Variants in TRAIP observed in about 807,000 individuals in gnomAD.
TRAIP encodes the protein TRAF interacting protein.
A neutral mutation model predicts 65.0 loss-of-function variants in TRAIP; 37 were observed. The observed-to-expected ratio is 0.57, with a 90% CI of 0.44 to 0.75. The LOEUF (loss-of-function observed/expected upper bound fraction) is 0.75, where lower values mean the gene tolerates loss of function less well. TRAIP is among the 30% of genes least tolerant of loss of function. The pLI is 0.00. For missense variants in TRAIP, 481 were observed against 579.4 expected (o/e 0.83, Z 1.74); for synonymous variants, 187 against 219.1 (o/e 0.85, Z 1.29).
rs1996663 is a variant in TRAIP, at chr3:49,840,831, C to G, written c.705+154G>C. ...ACAAGCCACATATTCAGGCCAATGC[C>G]CAGTAAGGACTGGTAACAAATTTCT... On this transcript the variant is annotated intron_variant, in intron 8 of 14. Coordinates refer to ENST00000331456, the MANE Select transcript of TRAIP (RefSeq NM_005879.3). 0.18 allele frequency among the ~76,000 whole-genome samples: 27,191 copies of G among 152,176 alleles called. 2,772 individuals are homozygous for G. Among genetic ancestry groups the G allele is most frequent in the African/African-American group, 0.26 (10,733 of 41,478 alleles).
At chr3:49,847,254 C>T (rs1409069112) in intron 3 of TRAIP, among the ~76,000 whole-genome samples, 1 of 151,240 alleles carries the variant, frequency 6.6e-6, no homozygotes, top group Non-Finnish European at 1.5e-5. Context: ...TGGTGGTGCA[C>T]CCCTACAGTC....
chr3:49,851,320 T>C (rs1280374842), intron 1 of TRAIP, among the ~76,000 whole-genome samples: 1 of 152,236 alleles, frequency 6.6e-6, no homozygotes, highest in Non-Finnish European at 1.5e-5. Context: ...ATATGTTCAA[T>C]TTGTAAACAT....
chr3:49,838,947 T>C (rs536877821), intron 10 of TRAIP, among the ~76,000 whole-genome samples: 3 of 149,906 alleles, frequency 2.0e-5, no homozygotes, highest in South Asian at 2.1e-4. Context: ...TCCCAGCACA[T>C]TGGGAGGCCG....
intron 12 of TRAIP, 123 bp downstream of exon 12, chr3:49,829,897 C>T (rs2081717463): frequency 6.3e-7 from 1 of 1,582,460 alleles, no homozygotes; most frequent in African/African-American, 1.3e-5. Context: ...AGTAGAATCC[C>T]AAGGGTGGCT....
intron 10 of TRAIP, among the ~76,000 whole-genome samples, chr3:49,834,913 T>C (rs1439072791): frequency 6.6e-6 from 1 of 152,170 alleles, no homozygotes; most frequent in African/African-American, 2.4e-5. Flanking sequence ...ATTTAAAACA[T>C]GAATACTGCC....
intron 11 of TRAIP, among the ~76,000 whole-genome samples, chr3:49,831,007 C>A (rs1559444745): frequency 6.6e-6 from 1 of 152,220 alleles, no homozygotes; most frequent in Admixed American, 6.5e-5. Context: ...CACCTTCAAC[C>A]TTTACAGCGG....
intron 9 of TRAIP, 30 bp from the exon 10 acceptor site, chr3:49,839,890 G>A: frequency 1.2e-6 from 2 of 1,603,924 alleles, no homozygotes; most frequent in Non-Finnish European, 1.7e-6. Context: ...GTGTGTGAGA[G>A]AAAGGCTGAG....
intron 1 of TRAIP, among the ~76,000 whole-genome samples, chr3:49,853,541 T>A (rs2081950736): frequency 1.3e-5 from 2 of 152,014 alleles, no homozygotes; most frequent in South Asian, 2.1e-4. Context: ...GCAGATAAAA[T>A]GGACTTTAAA....
intron 1 of TRAIP, among the ~76,000 whole-genome samples, chr3:49,851,982 C>A (rs954365514): frequency 6.7e-6 from 1 of 150,082 alleles, no homozygotes; most frequent in Non-Finnish European, 1.5e-5. Flanking sequence ...CAGTTGTGAG[C>A]CACCGCGCCC....
At chr3:49,853,475 T>C (rs1222745940) in intron 1 of TRAIP, among the ~76,000 whole-genome samples, 1 of 151,700 alleles carries the variant, frequency 6.6e-6, no homozygotes, top group African/African-American at 2.4e-5. Flanking sequence ...ATAAAACAGA[T>C]GAAAAAAGAT....
intron 1 of TRAIP, among the ~76,000 whole-genome samples, chr3:49,854,100 G>T (rs1001705797): frequency 3.3e-5 from 5 of 152,150 alleles, no homozygotes; most frequent in Admixed American, 2.6e-4. Context: ...GCCAAGGAGG[G>T]TGGATCACTT....
chr3:49,840,164 T>A, intron 9 of TRAIP, 120 bp downstream of exon 9: 1 of 930,292 alleles, frequency 1.1e-6, no homozygotes, highest in Non-Finnish European at 1.7e-6. Flanking sequence ...CCCAGGAGGA[T>A]GCAGGGGCCC....
At chr3:49,836,762 C>T (rs1254292921) in intron 10 of TRAIP, among the ~76,000 whole-genome samples, 6 of 151,916 alleles carry the variant, frequency 3.9e-5, no homozygotes, top group African/African-American at 7.3e-5. Context: ...GGAGGTGGAG[C>T]TGCTATGAGA....
In TRAIP at chr3:49,829,762, G is replaced by C; in HGVS notation, c.1091C>G (p.Ser364Cys). The C allele has an allele frequency of 6.2e-7, 1 of 1,614,092 alleles. No individual in the cohort carries two copies. Residue 364 changes from serine (S) to cysteine (C), a missense_variant, in exon 13 of 15, where the codon TCC (serine) becomes TGC (cysteine). Transcript: ENST00000331456. ...KKICKGPRKE[S>C]QLSLGGQSCA... ...GCTCTGGCCACCCAGTGAGAGCTGG[G>C]ACTCCTGCAGGGAAGACCCCAGGGC...
intron 1 of TRAIP, among the ~76,000 whole-genome samples, chr3:49,855,376 A>G (rs905652800): frequency 6.6e-6 from 1 of 152,026 alleles, no homozygotes; most frequent in Non-Finnish European, 1.5e-5. Flanking sequence ...TGAACTCAGG[A>G]GGTGGAGGTT....
chr3:49,848,319 C>A, intron 1 of TRAIP, 119 bp from the exon 2 acceptor site: 1 of 1,046,238 alleles, frequency 9.6e-7, no homozygotes, highest in Non-Finnish European at 1.4e-6. Context: ...AATGCCTGCC[C>A]AAATAAGAGG....
At chr3:49,829,393 G>T (rs769876830) in intron 14 of TRAIP, 65 bp downstream of exon 14, 1 of 1,612,960 alleles carries the variant, frequency 6.2e-7, no homozygotes, top group South Asian at 1.1e-5. Context: ...CAGGCTGGGG[G>T]TATAGGTGAG....
At chr3:49,839,126 T>C (rs902132574) in intron 10 of TRAIP, among the ~76,000 whole-genome samples, 2 of 151,614 alleles carry the variant, frequency 1.3e-5, no homozygotes, top group Non-Finnish European at 2.9e-5. Context: ...GAGGCAGAGA[T>C]TGCAGTGAGC....
At chr3:49,839,750 T>C (rs1011236944) in intron 10 of TRAIP, 22 bp downstream of exon 10, 4 of 1,609,342 alleles carry the variant, frequency 2.5e-6, no homozygotes, top group Non-Finnish European at 3.4e-6. Context: ...GTGACCCCTG[T>C]ACCGCCCAAG....
Sources: gnomAD v4.1 joint callset for allele counts (sites outside exome capture counted in the v4.1 genomes callset) on GRCh38, gnomAD v4.1.1 for gene constraint, MANE v1.5 for transcripts, NCBI Gene and HGNC (gene_info 2026-07-23, HGNC 2026-07-21) for gene names.